The following AKAP12 variants were observed in gnomAD, a reference collection of about 807,000 sequenced individuals.
AKAP12 encodes the protein A-kinase anchor protein 12.
In AKAP12, 32 loss-of-function variants were observed where a neutral mutation model predicts 79.9. The observed-to-expected ratio is 0.40, with a 90% CI of 0.30 to 0.54. AKAP12 has a LOEUF of 0.54. AKAP12 is among the 20% of genes least tolerant of loss of function. The probability of loss-of-function intolerance (pLI) is 0.48; values close to 1 mark genes in which losing one functional copy is unlikely to be tolerated. For missense variants in AKAP12, 2,074 were observed against 2,177.0 expected, an observed-to-expected ratio of 0.95 and a Z score of 0.94; for synonymous variants, 808 against 857.0, an observed-to-expected ratio of 0.94 and a Z score of 1.00.
chr6:151,257,323 G>A (rs991525324), intron 2 of AKAP12, among the ~76,000 whole-genome samples: 3 of 152,084 alleles, frequency 2.0e-5, no homozygotes, highest in Non-Finnish European at 4.4e-5. Context: ...TTTTGAGACA[G>A]TCTTGCTCTG....
At chr6:151,342,818 A>G (rs1243318474) in intron 3 of AKAP12, among the ~76,000 whole-genome samples, 1 of 152,220 alleles carries the variant, frequency 6.6e-6, no homozygotes. Flanking sequence ...GCTGGAGTGC[A>G]GTAGTGTGAT....
At chr6:151,320,771 G>A (rs1306599608) in intron 3 of AKAP12, among the ~76,000 whole-genome samples, 1 of 152,106 alleles carries the variant, frequency 6.6e-6, no homozygotes, top group African/African-American at 2.4e-5. Flanking sequence ...CAAATTCGGT[G>A]CCACCATCCC....
At chr6:151,341,848 G>A (rs1026764116) in intron 3 of AKAP12, 2 of 1,246,704 alleles carry the variant, frequency 1.6e-6, no homozygotes, top group African/African-American at 3.1e-5. Flanking sequence ...CCTCTCTACT[G>A]GCCAAGGCGC....
intron 2 of AKAP12, among the ~76,000 whole-genome samples, chr6:151,267,210 T>G (rs1028639376): frequency 2.0e-5 from 3 of 152,012 alleles, no homozygotes; most frequent in Non-Finnish European, 4.4e-5. Flanking sequence ...GGGGAGAAGG[T>G]TAAAAATTAG....
intron 3 of AKAP12, among the ~76,000 whole-genome samples, chr6:151,306,505 G>T (rs953217422): frequency 5.0e-4 from 76 of 152,284 alleles, no homozygotes; most frequent in African/African-American, 1.7e-3. Flanking sequence ...GTTGAAGAAG[G>T]ACCTTGAGCT....
chr6:151,317,752 C>A (rs1401860560), intron 3 of AKAP12, among the ~76,000 whole-genome samples: 2 of 152,206 alleles, frequency 1.3e-5, no homozygotes, highest in African/African-American at 4.8e-5. Flanking sequence ...GTGAAGAAAA[C>A]ATCAATATAT....
rs1162895444 is a variant in AKAP12, at chr6:151,356,961, T to G, written c.*1247T>G. ...CTTTCCTGAAATAAACCAGTAGCTT[T>G]TCAGATTGACGTTCTTGCTACAATT... On this transcript the variant is annotated 3_prime_UTR_variant, in exon 5 of 5. Coordinates refer to ENST00000402676, the MANE Select transcript of AKAP12 (RefSeq NM_005100.4). The G allele has an allele frequency of 1.3e-5, 2 of 152,254 alleles. No homozygotes were observed. Among genetic ancestry groups the G allele is most frequent in the African/African-American group, 4.8e-5 (2 of 41,468 alleles). 9.4% of individuals were successfully genotyped at this position (152,254 alleles called of 1,614,324 possible).
intron 2 of AKAP12, among the ~76,000 whole-genome samples, chr6:151,244,582 A>G (rs1161704828): frequency 6.6e-6 from 1 of 152,334 alleles, no homozygotes; most frequent in Admixed American, 6.5e-5. Flanking sequence ...GCTGCATTTC[A>G]TAATTCCTCC....
intron 2 of AKAP12, among the ~76,000 whole-genome samples, chr6:151,278,965 C>T (rs542197773): frequency 6.6e-5 from 10 of 152,326 alleles, no homozygotes; most frequent in African/African-American, 1.9e-4. Context: ...CCGCGCCCGG[C>T]GGTAGTATCT....
At chr6:151,301,276 G>A (rs1024620147) in intron 2 of AKAP12, among the ~76,000 whole-genome samples, 1 of 152,178 alleles carries the variant, frequency 6.6e-6, no homozygotes, top group Non-Finnish European at 1.5e-5. Flanking sequence ...TTGAAGTTAA[G>A]CAAGGTGCGT....
intron 2 of AKAP12, among the ~76,000 whole-genome samples, chr6:151,300,392 C>T (rs1338273005): frequency 1.3e-5 from 2 of 152,158 alleles, no homozygotes; most frequent in African/African-American, 2.4e-5. Context: ...CACTTGCACC[C>T]GGTCGTCCAA....
intron 3 of AKAP12, among the ~76,000 whole-genome samples, chr6:151,310,653 T>TC (rs1394733577): frequency 1.3e-5 from 2 of 152,160 alleles, no homozygotes; most frequent in Non-Finnish European, 1.5e-5. Context: ...GATTTTTTTT[T>TC]CCCCGAACAG....
chr6:151,349,228 G>A lies in AKAP12; in HGVS notation c.837G>A (p.Lys279=), dbSNP rs1480181116. Residue 279 remains lysine, a synonymous_variant, in exon 4 of 5, where the codon AAG becomes AAA. Coordinates refer to ENST00000402676, the MANE Select transcript of AKAP12 (RefSeq NM_005100.4). ...AGAAACAAGAAAAAGAACCTAGCAAGTCTGCAGAATCTCCGACTAGTCCCG... is the reference window on the plus strand; with the variant it reads ...AGAAACAAGAAAAAGAACCTAGCAAATCTGCAGAATCTCCGACTAGTCCCG... ...GEEKQEKEPS[K]SAESPTSPVT... is the part of the protein sequence containing the mutation. The A allele has an allele frequency of 1.2e-6, 2 of 1,613,880 alleles. No homozygotes were observed. Among genetic ancestry groups the A allele is most frequent in the Admixed American group, 3.3e-5 (2 of 59,980 alleles).
chr6:151,311,471 T>G (rs1213689565), intron 3 of AKAP12, among the ~76,000 whole-genome samples: 1 of 152,182 alleles, frequency 6.6e-6, no homozygotes, highest in Non-Finnish European at 1.5e-5. Context: ...GCTCCCGGTG[T>G]GTGCACGTGG....
intron 3 of AKAP12, chr6:151,348,318 CTG>C: frequency 2.4e-6 from 1 of 410,414 alleles, no homozygotes. Context: ...GAGTGAGACT[CTG>C]TCTCAAAAAA....
intron 2 of AKAP12, among the ~76,000 whole-genome samples, chr6:151,297,725 G>T (rs1415876238): frequency 6.6e-6 from 1 of 152,140 alleles, no homozygotes; most frequent in East Asian, 1.9e-4. Context: ...AGTGAGATGT[G>T]TCGCCTCTAC....
intron 3 of AKAP12, among the ~76,000 whole-genome samples, chr6:151,347,290 G>A (rs1278182178): frequency 1.3e-5 from 2 of 152,156 alleles, no homozygotes; most frequent in Middle Eastern, 3.2e-3. Flanking sequence ...GTCCCTTTTG[G>A]GGACCTGTTG....
At chr6:151,244,722 T>C (rs1797038068) in intron 2 of AKAP12, among the ~76,000 whole-genome samples, 1 of 152,242 alleles carries the variant, frequency 6.6e-6, no homozygotes, top group Non-Finnish European at 1.5e-5. Context: ...TGTTTCTTAA[T>C]AGAGGGATGT....
At chr6:151,281,997 C>G (rs1776419234) in intron 2 of AKAP12, among the ~76,000 whole-genome samples, 1 of 152,062 alleles carries the variant, frequency 6.6e-6, no homozygotes, top group African/African-American at 2.4e-5. Flanking sequence ...CAAGTGCAGT[C>G]TGGCATGACC....
Sources: allele counts gnomAD v4.1 joint callset (sites outside exome capture counted in the v4.1 genomes callset), GRCh38; gene constraint gnomAD v4.1.1; transcripts MANE v1.5; gene names NCBI Gene and HGNC (gene_info 2026-07-23, HGNC 2026-07-21).